Variants in CSMD2 observed in about 807,000 individuals in gnomAD.
CSMD2 encodes the protein CUB and sushi domain-containing protein 2.
Under a neutral mutation model 398.5 loss-of-function variants are expected in CSMD2, and 130 were observed. That is an observed-to-expected ratio of 0.33 (90% CI 0.28 to 0.38). The LOEUF (loss-of-function observed/expected upper bound fraction) is 0.38, where lower values mean the gene tolerates loss of function less well. Ranked by LOEUF, CSMD2 falls within the 10% of genes least tolerant of loss-of-function variation. The pLI, the probability that CSMD2 is intolerant of heterozygous loss-of-function variation, is 1.00. For synonymous variants in CSMD2, 1,828 were observed against 1,908.5 expected (o/e 0.96, Z 1.10); for missense variants, 3,829 against 4,764.9 (o/e 0.80, Z 5.78).
intron 5 of CSMD2, among the ~76,000 whole-genome samples, chr1:33,903,736 G>A (rs962616216): frequency 6.6e-6 from 1 of 152,116 alleles, no homozygotes; most frequent in African/African-American, 2.4e-5. Flanking sequence ...GAAAATATCA[G>A]GTATTGATGA....
chr1:33,594,622 G>A (rs571216982), intron 44 of CSMD2, among the ~76,000 whole-genome samples: 20 of 151,940 alleles, frequency 1.3e-4, no homozygotes, highest in Non-Finnish European at 2.9e-4. Flanking sequence ...CAGTGTCTTG[G>A]CTCTTTGTCC....
intron 3 of CSMD2, among the ~76,000 whole-genome samples, chr1:34,029,815 A>G (rs990186815): frequency 1.3e-5 from 2 of 152,244 alleles, no homozygotes; most frequent in Non-Finnish European, 2.9e-5. Context: ...CCTTGCCTAC[A>G]AGGCTTTATT....
chr1:34,109,000 A>C (rs1304178525), intron 1 of CSMD2, among the ~76,000 whole-genome samples: 2 of 152,196 alleles, frequency 1.3e-5, no homozygotes, highest in Non-Finnish European at 2.9e-5. Context: ...AGGGCATGAC[A>C]TGTGGTCACC....
chr1:33,864,917 G>A (rs1233129358), intron 5 of CSMD2: 1 of 401,890 alleles, frequency 2.5e-6, no homozygotes, highest in Non-Finnish European at 4.2e-6. Context: ...GGAAGGGAAA[G>A]AAGGGGAAGG....
chr1:33,943,061 T>C (rs1187340126), intron 3 of CSMD2, among the ~76,000 whole-genome samples: 2 of 152,164 alleles, frequency 1.3e-5, no homozygotes, highest in Admixed American at 1.3e-4. Context: ...CTATTGACCC[T>C]GCCAGGAGCC....
intron 2 of CSMD2, among the ~76,000 whole-genome samples, chr1:34,079,716 G>A (rs892258833): frequency 1.4e-4 from 22 of 152,120 alleles, no homozygotes; most frequent in Non-Finnish European, 2.6e-4. Flanking sequence ...AGCTAGCTAG[G>A]CAGGATGTTG....
intron 1 of CSMD2, among the ~76,000 whole-genome samples, chr1:34,126,451 G>A (rs572125422): frequency 1.3e-5 from 2 of 152,276 alleles, no homozygotes; most frequent in East Asian, 1.9e-4. Flanking sequence ...CTAAGGCCAC[G>A]GTTATGGGAG....
intron 25 of CSMD2, among the ~76,000 whole-genome samples, chr1:33,664,538 A>C (rs1011895876): frequency 1.3e-5 from 2 of 152,186 alleles, no homozygotes; most frequent in Non-Finnish European, 2.9e-5. Context: ...GCGGTGGCTC[A>C]TGCCTGTAAT....
intron 12 of CSMD2, among the ~76,000 whole-genome samples, chr1:33,786,334 T>C (rs916744634): frequency 1.3e-5 from 2 of 152,312 alleles, no homozygotes; most frequent in South Asian, 2.1e-4. Context: ...TGAACATCCA[T>C]AGAATTTCTG....
intron 5 of CSMD2, among the ~76,000 whole-genome samples, chr1:33,910,216 T>C (rs1198263852): frequency 2.0e-5 from 3 of 152,214 alleles, no homozygotes; most frequent in Admixed American, 2.0e-4. Flanking sequence ...TGGAATCCTC[T>C]CTGGCTTATG....
chr1:33,779,516 G>T (rs915316754), intron 12 of CSMD2, among the ~76,000 whole-genome samples: 18 of 152,192 alleles, frequency 1.2e-4, no homozygotes, highest in African/African-American at 4.3e-4. Context: ...TATTTCCTCA[G>T]TGTTATTGTC....
intron 5 of CSMD2, among the ~76,000 whole-genome samples, chr1:33,872,385 T>C (rs997305585): frequency 6.6e-6 from 1 of 152,238 alleles, no homozygotes; most frequent in African/African-American, 2.4e-5. Context: ...TGGTCTGAGA[T>C]AAAGCTGTGG....
intron 1 of CSMD2, among the ~76,000 whole-genome samples, chr1:34,115,132 G>A (rs1661484211): frequency 6.6e-6 from 1 of 151,998 alleles, no homozygotes; most frequent in South Asian, 2.1e-4. Context: ...CAATATGTGT[G>A]TTATGAAAGT....
intron 3 of CSMD2, among the ~76,000 whole-genome samples, chr1:33,971,225 C>T (rs1478286408): frequency 2.0e-5 from 3 of 152,238 alleles, no homozygotes; most frequent in African/African-American, 7.2e-5. Context: ...CAGATGAACA[C>T]CAGCCTTTGT....
At chr1:33,854,080 C>A (rs933278202) in intron 5 of CSMD2, among the ~76,000 whole-genome samples, 9 of 152,182 alleles carry the variant, frequency 5.9e-5, no homozygotes, top group African/African-American at 2.2e-4. Context: ...CTTGATCCAT[C>A]CCCATTCTTT....
chr1:33,765,602 A>G (rs901496170), intron 13 of CSMD2, among the ~76,000 whole-genome samples: 22 of 152,240 alleles, frequency 1.4e-4, no homozygotes, highest in African/African-American at 2.2e-4. Flanking sequence ...CTGACAAATA[A>G]CCAAAAATAG....
At chr1:33,685,995 A>C (rs1645051650) in intron 25 of CSMD2, among the ~76,000 whole-genome samples, 1 of 152,226 alleles carries the variant, frequency 6.6e-6, no homozygotes, top group Non-Finnish European at 1.5e-5. Context: ...GAAAGAGCAA[A>C]GACTGACATT....
At chr1:33,670,205 C>T (rs1644448484) in intron 25 of CSMD2, among the ~76,000 whole-genome samples, 1 of 152,190 alleles carries the variant, frequency 6.6e-6, no homozygotes, top group African/African-American at 2.4e-5. Flanking sequence ...CAGGCTCCTG[C>T]TCTATCAGAG....
intron 6 of CSMD2, among the ~76,000 whole-genome samples, chr1:33,829,779 C>T (rs530251116): frequency 1.8e-3 from 274 of 152,272 alleles, no homozygotes; most frequent in African/African-American, 6.1e-3. Flanking sequence ...ACAGACGGCA[C>T]GTGGAAAATC....
Sources: gnomAD v4.1 joint callset for allele counts (sites outside exome capture counted in the v4.1 genomes callset) on GRCh38, gnomAD v4.1.1 for gene constraint, MANE v1.5 for transcripts, NCBI Gene and HGNC (gene_info 2026-07-23, HGNC 2026-07-21) for gene names.